The following ZNF91 variants were observed in gnomAD, a reference collection of about 807,000 sequenced individuals.
The protein encoded by ZNF91 is zinc finger protein 91 (HPF7, HTF10).
Under a neutral mutation model 12.6 loss-of-function variants are expected in ZNF91, and 7 were observed. That is an observed-to-expected ratio of 0.55 (90% CI 0.31 to 1.04). ZNF91 has a LOEUF of 1.04. Ranked by LOEUF, ZNF91 falls within the 50% of genes least tolerant of loss-of-function variation. ZNF91 has a pLI of 0.05. For missense variants in ZNF91, 1,217 were observed against 1,385.4 expected (o/e 0.88, Z 1.93); for synonymous variants, 453 against 462.6 (o/e 0.98, Z 0.27).
chr19:23,337,568 A>G (rs1248783950), downstream of ZNF91, among the ~76,000 whole-genome samples: 1 of 152,030 alleles, frequency 6.6e-6, no homozygotes, highest in Non-Finnish European at 1.5e-5. Context: ...AAAGACACAT[A>G]AAGACACAGG....
In ZNF91 at chr19:23,359,232, T is replaced by G. The variant is rs1968597607; in HGVS notation, c.*171A>C. On this transcript the variant is annotated 3_prime_UTR_variant, in exon 4 of 4. Coordinates refer to ENST00000300619, the MANE Select transcript of ZNF91 (RefSeq NM_003430.4). ...TCTCTCTAGTATGAATTTTCTTTTT[T>G]TTTTTTTTGAGACGGAGTCTCGCTC... is the stretch of plus-strand genomic sequence containing the variant. The G allele has an allele frequency of 2.1e-6, 1 of 471,394 alleles. No homozygotes were observed. The highest frequency in any genetic ancestry group is 4.1e-5 in the East Asian group (1 of 24,382). 29.2% of individuals were successfully genotyped at this position (471,394 alleles called of 1,614,324 possible).
At position 23,306,469 on chromosome 19, in the gene ZNF91, G is replaced by A. The variant is rs780896693; in HGVS notation, n.277+847C>T. Among the ~76,000 whole-genome samples the A allele has an allele frequency of 4.0e-5, 6 of 150,120 alleles. No individual in the cohort carries two copies. In the East Asian group the frequency reaches 5.9e-4, roughly 15 times the overall value. ...CACAGGGGAATTGTAACGTATCACC[G>A]GGCCTTATATCCAGGTGATGTGAAT... is the stretch of plus-strand genomic sequence containing the variant. On this transcript the variant is annotated intron_variant and non_coding_transcript_variant, in intron 3 of 3. Transcript: ENST00000593292.
chr19:23,338,440 A>G (rs1030440358), downstream of ZNF91: 2 of 152,170 alleles, frequency 1.3e-5, no homozygotes, highest in African/African-American at 4.8e-5. Flanking sequence ...AATGAAGAAT[A>G]TAAAGTCTTA....
At chr19:23,327,696 A>AT (rs561812187) in intron 1 of ZNF91, 5 of 152,164 alleles carry the variant, frequency 3.3e-5, no homozygotes, top group African/African-American at 9.7e-5. Context: ...CAGAAAATAG[A>AT]TTTTTTTAAG....
intron 1 of ZNF91, among the ~76,000 whole-genome samples, chr19:23,388,121 C>T (rs1329681328): frequency 2.0e-5 from 3 of 151,954 alleles, no homozygotes; most frequent in African/African-American, 7.3e-5. Flanking sequence ...TGGCGCACAC[C>T]TGTAATCACA....
Position 23,362,531 on chromosome 19 carries a change from G to T in ZNF91, c.448C>A (p.Gln150Lys), listed in dbSNP as rs748933079. Residue 150 changes from glutamine (Q) to lysine (K), a missense_variant, in exon 4 of 4, where the codon CAG becomes AAG. Around this residue, in one of 2 missense-constraint regions of ZNF91, gnomAD observed 726 missense variants for 895.5 expected, o/e 0.81. Coordinates refer to ENST00000300619, the MANE Select transcript of ZNF91 (RefSeq NM_003430.4). The stretch of plus-strand genomic sequence containing the variant: ...TTCCCACATTGAAATACTTTGCTCT[G>T]GGCAGTTGTGAGACACTGGTTAAGT... ...NKLNQCLTTA[Q>K]SKVFQCGKYL... 1 of 1,601,952 alleles carries T rather than the reference G, an allele frequency of 6.2e-7. No individual in the cohort carries two copies. Among genetic ancestry groups the T allele is most frequent in the Non-Finnish European group, 8.5e-7 (1 of 1,175,200 alleles).
intron 1 of ZNF91, among the ~76,000 whole-genome samples, chr19:23,332,254 T>TAAAAAAGC (rs1967940253): frequency 6.6e-6 from 1 of 152,194 alleles, no homozygotes; most frequent in Non-Finnish European, 1.5e-5. Context: ...GGTTGTTAGC[T>TAAAAAAGC]TTTTTACATA....
chr19:23,388,242 T>G (rs1033099419), intron 1 of ZNF91, among the ~76,000 whole-genome samples: 15 of 151,906 alleles, frequency 9.9e-5, no homozygotes, highest in African/African-American at 3.4e-4. Flanking sequence ...TGAGACCCTG[T>G]CTCTAAAATA....
chr19:23,355,270 C>G (rs1229830419), downstream of ZNF91, among the ~76,000 whole-genome samples: 1 of 152,070 alleles, frequency 6.6e-6, no homozygotes, highest in African/African-American at 2.4e-5. Context: ...GGCACATAGA[C>G]CAATGGAACA....
chr19:23,360,404 A>G lies in ZNF91; in HGVS notation c.2575T>C (p.Cys859Arg), dbSNP rs201887473. ...GAAGATTGATTAAAAGCTTTGCCAC[A>G]TTCCTCACATTTGTAGAGTTTCTCT... ...AGEKLYKCEE[C>R]GKAFNQSSNL... The change falls in exon 4 of 4, where the codon TGT (cysteine) becomes CGT (arginine). Residue 859 changes from cysteine to arginine, a missense_variant. Cys to Arg is a radical substitution (Grantham distance 180). Coordinates refer to ENST00000300619, the MANE Select transcript of ZNF91 (RefSeq NM_003430.4). 7.6e-5 allele frequency: 123 copies of G among 1,613,970 alleles called. No individual in the cohort carries two copies. Among genetic ancestry groups the G allele is most frequent in the Middle Eastern group, 4.9e-4 (3 of 6,080 alleles).
At chr19:23,381,455 T>C (rs1969711268) in intron 1 of ZNF91, among the ~76,000 whole-genome samples, 1 of 148,050 alleles carries the variant, frequency 6.8e-6, no homozygotes, top group African/African-American at 2.4e-5. Flanking sequence ...ACTCTTTTTT[T>C]CTTTCTCTTT....
At chr19:23,390,884 T>C (rs1970044358) in intron 1 of ZNF91, among the ~76,000 whole-genome samples, 1 of 152,264 alleles carries the variant, frequency 6.6e-6, no homozygotes, top group Admixed American at 6.5e-5. Context: ...GATCATACCA[T>C]ATTTTCTTTA....
At chr19:23,321,687 T>C (rs1967699437) in intron 1 of ZNF91, among the ~76,000 whole-genome samples, 1 of 152,150 alleles carries the variant, frequency 6.6e-6, no homozygotes, top group Admixed American at 6.5e-5. Context: ...TGATGTGACT[T>C]TCTTGCCTTG....
intron 1 of ZNF91, among the ~76,000 whole-genome samples, chr19:23,332,108 T>A (rs1049163651): frequency 6.6e-6 from 1 of 152,250 alleles, no homozygotes; most frequent in African/African-American, 2.4e-5. Flanking sequence ...TTTGTTTGTA[T>A]TTGCATTAAA....
chr19:23,367,936 G>A (rs1969080469), intron 3 of ZNF91, among the ~76,000 whole-genome samples: 1 of 151,984 alleles, frequency 6.6e-6, no homozygotes, highest in African/African-American at 2.4e-5. Flanking sequence ...TTTTGAGATG[G>A]AGTCTCACTG....
At chr19:23,380,755 G>C (rs1393908749) in intron 1 of ZNF91, 1 of 152,034 alleles carries the variant, frequency 6.6e-6, no homozygotes, top group East Asian at 1.9e-4. Context: ...ATGAAGAAAG[G>C]GCACATTATC....
rs1378535161 is a variant in ZNF91, at chr19:23,395,343, G to C, written c.12C>G (p.Thr4=). The change falls in exon 1 of 4, where the codon ACC becomes ACG. Residue 4 remains threonine, a synonymous_variant. Transcript: ENST00000300619. MPG[T]PGSLEMGLLT... Reference sequence around the variant, plus strand: ...GTCTCACCATTTCTAGGCTTCCAGGGGTTCCTGGCATCTTAGCTGTGGCTC... The same window carrying C: ...GTCTCACCATTTCTAGGCTTCCAGGCGTTCCTGGCATCTTAGCTGTGGCTC... 1 of 1,613,790 alleles carries C rather than the reference G, an allele frequency of 6.2e-7. No homozygotes were observed. The highest frequency in any genetic ancestry group is 8.5e-7 in the Non-Finnish European group (1 of 1,179,918).
intron 3 of ZNF91, among the ~76,000 whole-genome samples, chr19:23,365,189 C>T (rs1445133348): frequency 6.6e-6 from 1 of 150,914 alleles, no homozygotes; most frequent in Admixed American, 6.6e-5. Context: ...AAAAAAAATT[C>T]TAACTAAGAA....
At chr19:23,318,987 T>TAGGTTATGTGAC (rs1250708498) in intron 1 of ZNF91, among the ~76,000 whole-genome samples, 2 of 152,184 alleles carry the variant, frequency 1.3e-5, no homozygotes, top group Admixed American at 1.3e-4. Context: ...CTCATCTGTC[T>TAGGTTATGTGAC]AGGTTATGTG....
Sources: gnomAD v4.1 joint callset for allele counts (sites outside exome capture counted in the v4.1 genomes callset) on GRCh38, gnomAD v4.1.1 for gene constraint, gnomAD v4.1.1 regional missense constraint, MANE v1.5 for transcripts, NCBI Gene and HGNC (gene_info 2026-07-23, HGNC 2026-07-21) for gene names.